TMC4: variants seen among roughly 807,000 people sequenced by gnomAD.
TMC4 encodes the protein voltage-gated chloride channel TMC4.
TMC4 carries 70 observed loss-of-function variants against 82.0 expected under a neutral mutation model. That is an observed-to-expected ratio of 0.85 (90% CI 0.70 to 1.04). The LOEUF (loss-of-function observed/expected upper bound fraction) is 1.04. TMC4 is among the 50% of genes least tolerant of loss of function. TMC4 has a pLI of 0.00. For missense variants in TMC4, 879 were observed against 899.0 expected (o/e 0.98, Z 0.28); for synonymous variants, 446 against 406.0 (o/e 1.10, Z -1.18).
intron 5 of TMC4, among the ~76,000 whole-genome samples, chr19:54,167,800 C>G (rs962461507): frequency 4.0e-5 from 6 of 151,740 alleles, no homozygotes; most frequent in Non-Finnish European, 5.9e-5. Flanking sequence ...CGGTGGCTCA[C>G]GCCTGTAATC....
chr19:54,173,080 C>G lies in TMC4; in HGVS notation c.38G>C (p.Gly13Ala). The change falls in exon 1 of 15, where the codon GGC (glycine) becomes GCC (alanine). Residue 13 changes from glycine (G) to alanine (A), a missense_variant. Coordinates refer to ENST00000619895, the MANE Select transcript of TMC4 (RefSeq NM_144686.4). ...GGGGGCCAGCCACTCCCTAGAGGAG[C>G]CCCAGGCTTCTGATTCCAAGGTCGG... ...ENPTLESEAWGSSREWLAPRE... is the reference protein window; with the variant it reads ...ENPTLESEAWASSREWLAPRE... 6.2e-7 allele frequency: 1 copy of G among 1,611,328 alleles called. No homozygotes were observed.
chr19:54,161,316 A>ATTT (rs765095573), intron 11 of TMC4, 56 bp from the exon 12 acceptor site: 399 of 1,093,380 alleles, frequency 3.6e-4, no homozygotes, highest in South Asian at 7.4e-4. Flanking sequence ...CTGTGCCTCC[A>ATTT]TTTTTTTTTT....
intron 10 of TMC4, 120 bp from the exon 11 acceptor site, chr19:54,162,405 G>A (rs1600554404): frequency 1.3e-6 from 1 of 761,526 alleles, no homozygotes; most frequent in African/African-American, 1.9e-5. Context: ...GGGGGGGGGC[G>A]GGACTTTCAG....
Position 54,168,566 on chromosome 19 carries a change from C to A in TMC4, c.557G>T (p.Gly186Val). 1 of 1,580,328 alleles carries A rather than the reference C, an allele frequency of 6.3e-7. No homozygotes were observed. The highest frequency in any genetic ancestry group is 8.6e-7 in the Non-Finnish European group (1 of 1,163,842). Residue 186 changes from glycine to valine, a missense_variant, in exon 4 of 15, where the codon GGA (glycine) becomes GTA (valine). Physicochemically the swap from Gly to Val is moderately radical, Grantham distance 109. Transcript: ENST00000619895. Reference protein sequence around the residue: ...ACMTLLPTWLGGAPPGPPGPD... With the variant: ...ACMTLLPTWLVGAPPGPPGPD... Reference sequence around the variant, plus strand: ...GCCGGGAGGGCCTGGGGGAGCGCCTCCCAACCAGGTGGGCAGCAGCGTCAT... The same window carrying A: ...GCCGGGAGGGCCTGGGGGAGCGCCTACCAACCAGGTGGGCAGCAGCGTCAT...
intron 9 of TMC4, 123 bp downstream of exon 9, chr19:54,162,910 C>A: frequency 6.4e-7 from 1 of 1,560,824 alleles, no homozygotes; most frequent in Admixed American, 1.7e-5. Context: ...ACTTTCATAC[C>A]CTTGGGAGAG....
At chr19:54,172,170 C>A in intron 1 of TMC4, 87 bp from the exon 2 acceptor site, 1 of 1,321,780 alleles carries the variant, frequency 7.6e-7, no homozygotes, top group Admixed American at 3.3e-5. Context: ...TCCCCGGCCC[C>A]TCCTCCCTCA....
In TMC4 at chr19:54,168,780, TTTC is replaced by T. The variant is rs1218984858; in HGVS notation, c.443-103_443-101del. The T allele has an allele frequency of 7.6e-5, 25 of 329,372 alleles. 7 individuals are homozygous for T. The highest frequency in any genetic ancestry group is 1.2e-4 in the Non-Finnish European group (24 of 205,502). The allele number at this position is 329,372 out of a possible 1,614,324, so 20.4% of individuals were successfully genotyped here. A position where few individuals can be genotyped will look rare whatever the true frequency, so the allele number is the denominator to read the frequency against. The stretch of plus-strand genomic sequence containing the variant: ...GTCCAGCCGCGCCTTCCTTTCTTTC[TTTC>T]TTTTCTTTTCTTTCTTTTCTTTTCT... On this transcript the variant is annotated intron_variant, in intron 3 of 14. Coordinates refer to ENST00000619895, the MANE Select transcript of TMC4 (RefSeq NM_144686.4).
rs751180638 is a variant in TMC4, at chr19:54,173,035, C to G, written c.79+4G>C. ...GGATCTGAGCTTCTCCTGGCATTCC[C>G]TACCTCCTCTGGCCTCCCGGGGGGC... On this transcript the variant is annotated splice_donor_region_variant and intron_variant, in intron 1 of 14. Transcript: ENST00000619895. The G allele has an allele frequency of 6.2e-7, 1 of 1,611,494 alleles. No homozygotes were observed. Among genetic ancestry groups the G allele is most frequent in the Non-Finnish European group, 8.5e-7 (1 of 1,178,782 alleles).
chr19:54,170,982 C>G (rs2075867221), intron 2 of TMC4, among the ~76,000 whole-genome samples: 1 of 150,982 alleles, frequency 6.6e-6, no homozygotes, highest in African/African-American at 2.5e-5. Flanking sequence ...TGGCTATATT[C>G]ACAGGCATGA....
In TMC4 at chr19:54,162,237, G is replaced by C; in HGVS notation, c.1551C>G (p.Thr517=). Residue 517 remains threonine (T), a synonymous_variant, in exon 11 of 15, where the codon ACC becomes ACG. Transcript: ENST00000619895. ...CCTCGTCGGGCACCTGGAACTCTTG[G>C]GTCCCCGCCAGACGACCCAGCGCCC... ...CPGALGRLAG[T]QEFQVPDEVL... 1 of 1,609,932 alleles carries C rather than the reference G, an allele frequency of 6.2e-7. No homozygotes were observed. Among genetic ancestry groups the C allele is most frequent in the Non-Finnish European group, 8.5e-7 (1 of 1,178,506 alleles).
intron 2 of TMC4, among the ~76,000 whole-genome samples, chr19:54,170,076 G>A (rs564677723): frequency 4.8e-4 from 73 of 152,244 alleles, no homozygotes; most frequent in African/African-American, 1.7e-3. Context: ...ATTCCAGCCT[G>A]GGTGACGGAG....
At chr19:54,165,717 C>A in intron 5 of TMC4, 151 bp from the exon 6 acceptor site, 3 of 914,074 alleles carry the variant, frequency 3.3e-6, no homozygotes, top group Non-Finnish European at 4.8e-6. Flanking sequence ...GGGAAAGAGT[C>A]AAAGAGGCGG....
chr19:54,164,547 G>T lies in TMC4; in HGVS notation c.1000C>A (p.Gln334Lys). 6.2e-7 allele frequency: 1 copy of T among 1,613,796 alleles called. No individual in the cohort carries two copies. Among genetic ancestry groups the T allele is most frequent in the Non-Finnish European group, 8.5e-7 (1 of 1,179,990 alleles). ...CGCACCAACCAAACCCTGGCTTGCT[G>T]GCCCAGCGTCCGCACCGCAGCCTGG... Reference protein sequence around the residue: ...RRQAAVRTLGQQARVWLVRVL... With the variant: ...RRQAAVRTLGKQARVWLVRVL... Residue 334 changes from glutamine (Q) to lysine (K), a missense_variant, in exon 7 of 15, where the codon CAG becomes AAG. Transcript: ENST00000619895.
chr19:54,170,358 G>A (rs1243068215), intron 2 of TMC4, among the ~76,000 whole-genome samples: 1 of 151,622 alleles, frequency 6.6e-6, no homozygotes, highest in African/African-American at 2.4e-5. Context: ...AAAGGTTAGG[G>A]AGAAGAGGTT....
intron 10 of TMC4, 111 bp from the exon 11 acceptor site, chr19:54,162,396 GGGGGGGGC>G: frequency 1.2e-6 from 1 of 807,926 alleles, no homozygotes; most frequent in African/African-American, 1.8e-5. Flanking sequence ...TGGTGGGGGG[GGGGGGGGC>G]GGGACTTTCA....
chr19:54,161,302 G>A (rs1443260949), intron 11 of TMC4, 42 bp from the exon 12 acceptor site: 4 of 1,409,822 alleles, frequency 2.8e-6, no homozygotes, highest in Non-Finnish European at 2.8e-6. Context: ...TGAAACACAA[G>A]AGTCTGTGCC....
chr19:54,165,689 T>A, intron 5 of TMC4, 123 bp from the exon 6 acceptor site: 1 of 1,127,626 alleles, frequency 8.9e-7, no homozygotes, highest in South Asian at 1.6e-5. Flanking sequence ...ACTAGGCGAG[T>A]TCCCACCAGA....
Position 54,164,579 on chromosome 19 carries a change from A to T in TMC4, c.968T>A (p.Val323Glu). Residue 323 changes from valine (V) to glutamate (E), a missense_variant, in exon 7 of 15, where the codon GTG becomes GAG. Coordinates refer to ENST00000619895, the MANE Select transcript of TMC4 (RefSeq NM_144686.4). ...CGTCCGCACCGCAGCCTGGCGCCGC[A>T]CCACTGTCTCCTCCAGCTCCACCTG... ...ELKVELEETV[V>E]RRQAAVRTLG... 3 of 1,613,434 alleles carry T rather than the reference A, an allele frequency of 1.9e-6. No homozygotes were observed. The South Asian group carries it at 3.3e-5, about 18-fold the overall frequency.
chr19:54,171,451 A>G (rs2075885538), intron 2 of TMC4, among the ~76,000 whole-genome samples: 1 of 152,178 alleles, frequency 6.6e-6, no homozygotes, highest in Admixed American at 6.5e-5. Flanking sequence ...TTCATTGTTC[A>G]CCAGGCCCTG....
Sources: allele counts gnomAD v4.1 joint callset (sites outside exome capture counted in the v4.1 genomes callset), GRCh38; gene constraint gnomAD v4.1.1; transcripts MANE v1.5; gene names NCBI Gene and HGNC (gene_info 2026-07-23, HGNC 2026-07-21).